Variants in MUC6 observed in about 807,000 individuals in gnomAD.
MUC6 encodes the protein mucin-6.
In MUC6, 188 loss-of-function variants were observed where a neutral mutation model predicts 201.5. That is an observed-to-expected ratio of 0.93 (90% CI 0.83 to 1.05). The LOEUF (loss-of-function observed/expected upper bound fraction) is 1.05. MUC6 is among the 50% of genes least tolerant of loss of function. The pLI is 0.00. For synonymous variants in MUC6, 1,228 were observed against 1,389.4 expected (o/e 0.88, Z 2.58); for missense variants, 2,706 against 3,256.9 (o/e 0.83, Z 4.12).
chr11:1,028,972 G>C lies in MUC6; in HGVS notation c.1381-11C>G. On this transcript the variant is annotated splice_polypyrimidine_tract_variant and intron_variant, in intron 11 of 32. Coordinates refer to ENST00000421673, the MANE Select transcript of MUC6 (RefSeq NM_005961.3). ...GATCACAATTTTGTCCTGGAGAGAG[G>C]GTGGCCTGAGTCAGGGTGCAGGCAC... is the stretch of plus-strand genomic sequence containing the variant. 8.7e-6 allele frequency: 14 copies of C among 1,613,114 alleles called. No individual in the cohort carries two copies. The highest frequency in any genetic ancestry group is 1.2e-5 in the Non-Finnish European group (14 of 1,179,870).
chr11:1,031,814 C>T lies in MUC6; in HGVS notation c.355G>A (p.Gly119Arg), dbSNP rs757703442. 1.4e-5 allele frequency: 22 copies of T among 1,601,300 alleles called. No homozygotes were observed. Among genetic ancestry groups the T allele is most frequent in the Admixed American group, 8.6e-5 (5 of 58,092 alleles). The change falls in exon 3 of 33, where the codon GGG (glycine) becomes AGG (arginine). Residue 119 changes from glycine to arginine, a missense_variant and splice_region_variant. Transcript: ENST00000421673. ...SEAIISVKDI[G>R]VISLPYTSNG... ...CGGGCCCCGGCCCACCTGACCTACC[C>T]GATGTCCTTGACTGAGATGATGGCT...
intron 26 of MUC6, 77 bp downstream of exon 26, chr11:1,023,432 G>A (rs1346075552): frequency 2.9e-5 from 43 of 1,480,018 alleles, no homozygotes; most frequent in South Asian, 2.0e-4. Context: ...GAATGAATGC[G>A]TGTGAATGAA....
At chr11:1,015,016 G>A (rs949798237) in intron 31 of MUC6, among the ~76,000 whole-genome samples, 3 of 152,268 alleles carry the variant, frequency 2.0e-5, no homozygotes, top group African/African-American at 7.2e-5. Flanking sequence ...CAACTGTGGC[G>A]TTGTCGCCTG....
chr11:1,031,302 C>G (rs1302565068), intron 4 of MUC6, 43 bp from the exon 5 acceptor site: 3 of 1,528,514 alleles, frequency 2.0e-6, no homozygotes, highest in Non-Finnish European at 1.8e-6. Flanking sequence ...GCCAGGGGCC[C>G]CCTCATCTGC....
rs780490681 is a variant in MUC6, at chr11:1,028,889, G to A, written c.1453C>T (p.Arg485Cys). ...GGCCACAGACTGGGCCAGGACGTACGAGTCTTGTATGGCAGCCACTTGGCT... is the reference window on the plus strand; with the variant it reads ...GGCCACAGACTGGGCCAGGACGTACAAGTCTTGTATGGCAGCCACTTGGCT... ...GEAKWLPYKT[R>C]NITVFRQTST... Residue 485 changes from arginine to cysteine, a missense_variant and splice_region_variant, in exon 12 of 33, where the codon CGC (arginine) becomes TGC (cysteine). By Grantham distance (180) the Arg-to-Cys change is radical (BLOSUM62 -3). Transcript: ENST00000421673. The A allele has an allele frequency of 6.8e-6, 11 of 1,612,320 alleles. No individual in the cohort carries two copies. The highest frequency in any genetic ancestry group is 5.5e-5 in the South Asian group (5 of 91,080).
chr11:1,013,040 C>A lies in MUC6; in HGVS notation c.*416G>T, dbSNP rs868025697. The A allele has an allele frequency of 1.1e-5, 2 of 184,772 alleles. No individual in the cohort carries two copies. Among genetic ancestry groups the A allele is most frequent in the Non-Finnish European group, 2.2e-5 (2 of 89,450 alleles). 11.4% of individuals were successfully genotyped at this position (184,772 alleles called of 1,614,324 possible). A position where few individuals can be genotyped will look rare whatever the true frequency, so the allele number is the denominator to read the frequency against. ...CTGCCTGGGCCTCTTGCCCCCATCT[C>A]GGCACAGGTTTCCGTGCCCTCCTCG... is the stretch of plus-strand genomic sequence containing the variant. On this transcript the variant is annotated 3_prime_UTR_variant, in exon 33 of 33. Transcript: ENST00000421673.
At position 1,016,217 on chromosome 11, in the gene MUC6, G is replaced by A. The variant is rs747743746; in HGVS notation, c.6584C>T (p.Ser2195Phe). 1.9e-6 allele frequency: 3 copies of A among 1,613,170 alleles called. No individual in the cohort carries two copies. The highest frequency in any genetic ancestry group is 4.5e-5 in the East Asian group (2 of 44,882). The change falls in exon 31 of 33, where the codon TCT (serine) becomes TTT (phenylalanine). Residue 2195 changes from serine to phenylalanine, a missense_variant. Ser to Phe is a radical substitution (Grantham distance 155, BLOSUM62 -2). Coordinates refer to ENST00000421673, the MANE Select transcript of MUC6 (RefSeq NM_005961.3). ...AGCTGGAGAAGAAGGAAAAAGAGGA[G>A]ATGCAGACACTGATGCAGTCGTGGG... Reference protein sequence around the residue: ...THPTTASVSASPLFPSSPAAS... With the variant: ...THPTTASVSAFPLFPSSPAAS...
intron 8 of MUC6, 24 bp from the exon 9 acceptor site, chr11:1,029,639 G>A (rs779985200): frequency 1.3e-6 from 2 of 1,551,494 alleles, no homozygotes; most frequent in African/African-American, 2.7e-5. Context: ...TCTTCTTGGG[G>A]CTTGGGTGGG....
intron 13 of MUC6, 40 bp downstream of exon 13, chr11:1,028,606 G>A (rs1857023342): frequency 1.9e-6 from 3 of 1,595,358 alleles, no homozygotes; most frequent in Admixed American, 1.7e-5. Context: ...GACCCTGTAG[G>A]GATGAGGCAA....
chr11:1,020,884 C>T (rs1856791409), intron 27 of MUC6, 150 bp from the exon 28 acceptor site: 1 of 1,065,172 alleles, frequency 9.4e-7, no homozygotes, highest in Non-Finnish European at 1.4e-6. Flanking sequence ...TCCCCTCTCT[C>T]CCTTTCTCCT....
At chr11:1,030,500 G>A (rs1204589726) in intron 7 of MUC6, 73 bp downstream of exon 7, 32 of 1,451,036 alleles carry the variant, frequency 2.2e-5, no homozygotes, top group Admixed American at 4.5e-5. Flanking sequence ...ACGTCAGGCA[G>A]TCCAGGGGCT....
At chr11:1,035,281 C>T (rs576769779) in intron 1 of MUC6, among the ~76,000 whole-genome samples, 1 of 152,362 alleles carries the variant, frequency 6.6e-6, no homozygotes, top group Admixed American at 6.5e-5. Flanking sequence ...GACCTCCAGC[C>T]TCTCTGGGCC....
At position 1,019,853 on chromosome 11, in the gene MUC6, G is replaced by A. The variant is rs111376699; in HGVS notation, c.3808+237C>T. 4,179 of 686,826 alleles carry A rather than the reference G, an allele frequency of 6.1e-3. 135 individuals carry two copies. In the African/African-American group the frequency reaches 0.067, roughly 11 times the overall value. 42.5% of individuals were successfully genotyped at this position (686,826 alleles called of 1,614,324 possible). ...GGCAGAGGCCCTGCAGGTCCCACAC[G>A]GTTTCTAGTGACAGCAGCCAGCAGC... On this transcript the variant is annotated intron_variant, in intron 29 of 32. Coordinates refer to ENST00000421673, the MANE Select transcript of MUC6 (RefSeq NM_005961.3).
At position 1,013,542 on chromosome 11, in the gene MUC6, C is replaced by T. The variant is rs765811252; in HGVS notation, c.7234G>A (p.Asp2412Asn). 2.9e-5 allele frequency: 46 copies of T among 1,578,158 alleles called. No homozygotes were observed. The highest frequency in any genetic ancestry group is 2.4e-4 in the South Asian group (21 of 86,018). Residue 2412 changes from aspartate (D) to asparagine (N), a missense_variant, in exon 33 of 33, where the codon GAT (aspartate) becomes AAT (asparagine). Asp to Asn is a conservative substitution (Grantham distance 23). This residue lies in a region of MUC6 where 586 missense variants were observed against 488.0 expected (regional missense o/e 1.20). Transcript: ENST00000421673. ...AGCCGCCGGCCAGGCGTGCTGGGATCGGGGCAGGGCAGCTCCAGCTGCTGC... is the reference window on the plus strand; with the variant it reads ...AGCCGCCGGCCAGGCGTGCTGGGATTGGGGCAGGGCAGCTCCAGCTGCTGC... ...YEQQLELPCP[D>N]PSTPGRRLVL... is the part of the protein sequence containing the mutation.
intron 15 of MUC6, 36 bp downstream of exon 15, chr11:1,027,929 C>T (rs1279721464): frequency 4.5e-6 from 7 of 1,561,488 alleles, no homozygotes; most frequent in East Asian, 2.4e-5. Context: ...CCACAGCCTC[C>T]CCTGCAGCCC....
chr11:1,014,088 A>G (rs980684445), intron 31 of MUC6, 87 bp from the exon 32 acceptor site: 6 of 1,161,864 alleles, frequency 5.2e-6, no homozygotes, highest in Non-Finnish European at 7.3e-6. Context: ...CGGGGTCCCC[A>G]CCTGTCTCTG....
chr11:1,018,449 G>A lies in MUC6; in HGVS notation c.4352C>T (p.Ser1451Phe), dbSNP rs755048145. 16 of 1,613,966 alleles carry A rather than the reference G, an allele frequency of 9.9e-6. No individual in the cohort carries two copies. Among genetic ancestry groups the A allele is most frequent in the African/African-American group, 5.3e-5 (4 of 74,946 alleles). Residue 1451 changes from serine (S) to phenylalanine (F), a missense_variant, in exon 31 of 33, where the codon TCC becomes TTC. Transcript: ENST00000421673. ...TTLPTHVPPF[S>F]TSLVTPSTHT... is the part of the protein sequence containing the mutation. ...AGTACTTGGAGTCACCAAGGAGGTG[G>A]AGAAAGGTGGAACGTGAGTGGGAAG...
In MUC6 at chr11:1,026,394, ACTC is replaced by A. The variant is rs748553517; in HGVS notation, c.2476_2478del (p.Glu826del). On this transcript the variant is annotated inframe_deletion, in exon 20 of 33. Transcript: ENST00000421673. Reference sequence around the variant, plus strand: ...GAGACCCCCGAGAACTCACATGGGCACTCCTCGGGGGGCACACACTGCCCGTCG... The same window carrying A: ...GAGACCCCCGAGAACTCACATGGGCACTCGGGGGGCACACACTGCCCGTCG... 2.5e-6 allele frequency: 4 copies of A among 1,607,096 alleles called. No homozygotes were observed. The highest frequency in any genetic ancestry group is 3.4e-6 in the Non-Finnish European group (4 of 1,177,440).
intron 25 of MUC6, 60 bp from the exon 26 acceptor site, chr11:1,023,712 G>C: frequency 6.3e-7 from 1 of 1,588,040 alleles, no homozygotes; most frequent in African/African-American, 1.4e-5. Flanking sequence ...GCCCTGACCC[G>C]GTGGTTCCCC....
Sources: gnomAD v4.1 joint callset for allele counts (sites outside exome capture counted in the v4.1 genomes callset) on GRCh38, gnomAD v4.1.1 for gene constraint, gnomAD v4.1.1 regional missense constraint, MANE v1.5 for transcripts, NCBI Gene and HGNC (gene_info 2026-07-23, HGNC 2026-07-21) for gene names.